The following AAK1 variants were observed in gnomAD, a reference collection of about 807,000 sequenced individuals.
AAK1 encodes AP2-associated protein kinase 1.
AAK1 carries 37 observed loss-of-function variants against 116.0 expected under a neutral mutation model. That is an observed-to-expected ratio of 0.32 (90% CI 0.25 to 0.42). The LOEUF is 0.42. AAK1 is among the 10% of genes least tolerant of loss of function. The probability of loss-of-function intolerance (pLI) is 1.00; values close to 1 mark genes in which losing one functional copy is unlikely to be tolerated. For missense variants in AAK1, 919 were observed against 1,170.6 expected, an observed-to-expected ratio of 0.79 and a Z score of 3.14; for synonymous variants, 458 against 439.9, an observed-to-expected ratio of 1.04 and a Z score of -0.51.
At chr2:69,495,585 A>G (rs1384211642) in intron 17 of AAK1, among the ~76,000 whole-genome samples, 1 of 152,130 alleles carries the variant, frequency 6.6e-6, no homozygotes, top group Non-Finnish European at 1.5e-5. Context: ...GTCACCCACA[A>G]TCCCATGATC....
intron 2 of AAK1, among the ~76,000 whole-genome samples, chr2:69,616,958 C>T (rs1299265320): frequency 6.6e-6 from 1 of 152,158 alleles, no homozygotes; most frequent in Non-Finnish European, 1.5e-5. Flanking sequence ...TGCTTTCTGC[C>T]TGTGTCACTT....
chr2:69,540,585 A>G (rs1021664797), intron 5 of AAK1, among the ~76,000 whole-genome samples: 33 of 152,254 alleles, frequency 2.2e-4, no homozygotes, highest in African/African-American at 8.0e-4. Context: ...AGGATGGCTA[A>G]AACAAAAAAG....
intron 2 of AAK1, among the ~76,000 whole-genome samples, chr2:69,567,603 C>A (rs936192278): frequency 6.6e-6 from 1 of 151,990 alleles, no homozygotes; most frequent in Non-Finnish European, 1.5e-5. Flanking sequence ...ACAGCAACAA[C>A]AAAAACCCTT....
chr2:69,510,114 G>A (rs941958697), intron 13 of AAK1, among the ~76,000 whole-genome samples: 3 of 152,098 alleles, frequency 2.0e-5, no homozygotes, highest in African/African-American at 2.4e-5. Flanking sequence ...CTCGTGTCAC[G>A]GGGGTTTGTT....
chr2:69,505,120 T>C (rs754216367), intron 16 of AAK1, among the ~76,000 whole-genome samples: 4 of 115,444 alleles, frequency 3.5e-5, no homozygotes, highest in Non-Finnish European at 7.0e-5. Flanking sequence ...CGTGCGTGCG[T>C]GTGCGCACAC....
At chr2:69,612,410 G>C (rs1674126825) in intron 2 of AAK1, among the ~76,000 whole-genome samples, 1 of 152,184 alleles carries the variant, frequency 6.6e-6, no homozygotes, top group South Asian at 2.1e-4. Flanking sequence ...GGTAACAGTA[G>C]GGCTGTGGAG....
intron 14 of AAK1, 85 bp from the exon 15 acceptor site, chr2:69,507,663 A>T: frequency 7.8e-7 from 1 of 1,289,358 alleles, no homozygotes; most frequent in African/African-American, 1.5e-5. Flanking sequence ...TCTGTTTCAG[A>T]ATCAAATTAT....
At chr2:69,617,751 T>C (rs974447069) in intron 2 of AAK1, among the ~76,000 whole-genome samples, 1 of 152,222 alleles carries the variant, frequency 6.6e-6, no homozygotes, top group Non-Finnish European at 1.5e-5. Context: ...TGCCTGCTCC[T>C]GTGAAGGGAT....
chr2:69,543,908 C>T (rs1310978199), intron 4 of AAK1, among the ~76,000 whole-genome samples: 2 of 152,284 alleles, frequency 1.3e-5, no homozygotes, highest in Non-Finnish European at 1.5e-5. Flanking sequence ...CTTTCAATGA[C>T]TTTACTCCAC....
intron 16 of AAK1, among the ~76,000 whole-genome samples, chr2:69,497,950 A>C (rs1172071636): frequency 6.6e-6 from 1 of 151,926 alleles, no homozygotes; most frequent in Non-Finnish European, 1.5e-5. Flanking sequence ...TTCTCCCCTC[A>C]GTGCCGATGT....
At chr2:69,525,195 T>C in intron 9 of AAK1, 83 bp from the exon 10 acceptor site, 4 of 1,354,262 alleles carry the variant, frequency 3.0e-6, no homozygotes, top group Non-Finnish European at 4.2e-6. Context: ...TGACTGGGAC[T>C]GAGAGCTGAT....
intron 17 of AAK1, among the ~76,000 whole-genome samples, chr2:69,491,838 C>T (rs1164728651): frequency 6.6e-6 from 1 of 152,228 alleles, no homozygotes; most frequent in East Asian, 1.9e-4. Flanking sequence ...GTGATTTGAC[C>T]ACAATCACCT....
At position 69,519,136 on chromosome 2, in the gene AAK1, G is replaced by T. The variant is rs1347510391; in HGVS notation, c.1315C>A (p.Pro439Thr). Residue 439 changes from proline (P) to threonine (T), a missense_variant, in exon 12 of 22, where the codon CCT (proline) becomes ACT (threonine). Coordinates refer to ENST00000409085, the MANE Select transcript of AAK1 (RefSeq NM_014911.5). Reference protein sequence around the residue: ...PQTQAKQPQAPPTPQQTPSTQ... With the variant: ...PQTQAKQPQATPTPQQTPSTQ... The stretch of plus-strand genomic sequence containing the variant: ...GAAGGCGTCTGCTGTGGAGTGGGAG[G>T]AGCCTGTGGCTGCTTGGCCTGAGTT... 1 of 1,567,552 alleles carries T rather than the reference G, an allele frequency of 6.4e-7. No homozygotes were observed. The highest frequency in any genetic ancestry group is 8.7e-7 in the Non-Finnish European group (1 of 1,155,350).
intron 10 of AAK1, among the ~76,000 whole-genome samples, chr2:69,522,058 G>C (rs1420821565): frequency 6.6e-6 from 1 of 152,154 alleles, no homozygotes; most frequent in Non-Finnish European, 1.5e-5. Flanking sequence ...AACTAATATA[G>C]GGAAGACTGC....
intron 8 of AAK1, among the ~76,000 whole-genome samples, chr2:69,527,797 C>T (rs1044643774): frequency 3.3e-5 from 5 of 152,124 alleles, no homozygotes; most frequent in East Asian, 1.9e-4. Flanking sequence ...TACAAAGTAA[C>T]GTATGCATAT....
chr2:69,477,116 ATCTT>A (rs1284059619), intron 20 of AAK1, 126 bp from the exon 21 acceptor site: 4 of 569,458 alleles, frequency 7.0e-6, no homozygotes, highest in East Asian at 3.0e-5. Context: ...GAAAGGATTT[ATCTT>A]TCTGAGTTGA....
intron 3 of AAK1, among the ~76,000 whole-genome samples, chr2:69,547,932 T>C (rs1670997182): frequency 6.6e-6 from 1 of 152,196 alleles, no homozygotes. Context: ...ATACATGCTA[T>C]GACATGTATC....
rs1375459320 is a variant in AAK1, at chr2:69,458,951, C to T, written c.*16918G>A. On this transcript the variant is annotated 3_prime_UTR_variant, in exon 22 of 22. Coordinates refer to ENST00000409085, the MANE Select transcript of AAK1 (RefSeq NM_014911.5). ...TTCCATTATAATGCAATGCAGGTAA[C>T]ACTAACTTGATTTCAAGAACATTGT... 2.6e-5 allele frequency: 4 copies of T among 152,290 alleles called. No individual in the cohort carries two copies. The highest frequency in any genetic ancestry group is 7.2e-5 in the African/African-American group (3 of 41,434). 9.4% of individuals were successfully genotyped at this position (152,290 alleles called of 1,614,324 possible).
rs1209160802 is a variant in AAK1, at chr2:69,530,042, A to T, written c.837T>A (p.Asn279Lys). 6.2e-7 allele frequency: 1 copy of T among 1,603,820 alleles called. No individual in the cohort carries two copies. Among genetic ancestry groups the T allele is most frequent in the Non-Finnish European group, 8.5e-7 (1 of 1,175,170 alleles). Residue 279 changes from asparagine (N) to lysine (K), a missense_variant, in exon 8 of 22, where the codon AAT becomes AAA. By Grantham distance (94) the Asn-to-Lys change is moderately conservative (BLOSUM62 0). This residue lies in a region of AAK1 where 317 missense variants were observed against 490.4 expected (regional missense o/e 0.65). Coordinates refer to ENST00000409085, the MANE Select transcript of AAK1 (RefSeq NM_014911.5). ...AGTGCATGTCTTGAGAATATCGAGA[A>T]TTATCAGGAATTGTGAAGTTTCCAT... The part of the protein sequence containing the change: ...ICDGNFTIPD[N>K]SRYSQDMHCL...
Sources: allele counts gnomAD v4.1 joint callset (sites outside exome capture counted in the v4.1 genomes callset), GRCh38; gene constraint gnomAD v4.1.1; regional missense constraint gnomAD v4.1.1; transcripts MANE v1.5; gene names NCBI Gene and HGNC (gene_info 2026-07-23, HGNC 2026-07-21).